BAIAP2: variants seen among roughly 807,000 people sequenced by gnomAD.
BAIAP2 encodes BAR/IMD domain-containing adapter protein 2.
Under a neutral mutation model 63.0 loss-of-function variants are expected in BAIAP2, and 18 were observed. That is an observed-to-expected ratio of 0.29 (90% CI 0.20 to 0.42). BAIAP2 has a LOEUF of 0.42. Ranked by LOEUF, BAIAP2 falls within the 10% of genes least tolerant of loss-of-function variation. The pLI is 1.00. For missense variants in BAIAP2, 610 were observed against 734.3 expected, an observed-to-expected ratio of 0.83 and a Z score of 1.96; for synonymous variants, 386 against 307.6, an observed-to-expected ratio of 1.25 and a Z score of -2.67.
At chr17:81,050,433 C>T (rs571462984) in intron 1 of BAIAP2, among the ~76,000 whole-genome samples, 4 of 152,312 alleles carry the variant, frequency 2.6e-5, no homozygotes, top group Admixed American at 6.5e-5. Context: ...GGTGCTGCCC[C>T]GTGCGTCATG....
intron 3 of BAIAP2, among the ~76,000 whole-genome samples, chr17:81,065,078 C>T (rs887829323): frequency 5.3e-5 from 8 of 152,188 alleles, no homozygotes; most frequent in African/African-American, 1.9e-4. Flanking sequence ...TGAGCCAGTG[C>T]CTGGGTTAGA....
chr17:81,089,070 C>A (rs12601557), intron 6 of BAIAP2, among the ~76,000 whole-genome samples: 27,175 of 152,308 alleles, frequency 0.18, 2,520 homozygotes, highest in Middle Eastern at 0.33. Context: ...GCTGCTCTGC[C>A]GTGGGCCCCG....
chr17:81,097,042 C>G (rs771980769), intron 6 of BAIAP2, among the ~76,000 whole-genome samples: 27 of 152,182 alleles, frequency 1.8e-4, no homozygotes, highest in Non-Finnish European at 2.9e-5. Context: ...TGGAGCAGAG[C>G]TTGCTGGAAA....
chr17:81,109,262 C>T, intron 13 of BAIAP2: 3 of 1,329,796 alleles, frequency 2.3e-6, no homozygotes, highest in Non-Finnish European at 1.9e-6. Context: ...GCAGGACCTG[C>T]TGGGCCGTGC....
intron 1 of BAIAP2, among the ~76,000 whole-genome samples, chr17:81,050,828 C>T (rs2048566233): frequency 6.6e-6 from 1 of 151,106 alleles, no homozygotes; most frequent in Non-Finnish European, 1.5e-5. Flanking sequence ...CACCAGAACA[C>T]TAGAGTCGGC....
intron 1 of BAIAP2, among the ~76,000 whole-genome samples, chr17:81,052,896 A>G (rs1315860402): frequency 1.3e-5 from 2 of 152,146 alleles, no homozygotes; most frequent in African/African-American, 4.8e-5. Context: ...ACCGGAAGAC[A>G]CGGGAGGTGG....
At chr17:81,039,327 A>G (rs2046767672) in intron 1 of BAIAP2, among the ~76,000 whole-genome samples, 3 of 152,034 alleles carry the variant, frequency 2.0e-5, no homozygotes, top group Admixed American at 2.0e-4. Flanking sequence ...AGGGTGTACA[A>G]CCCTTCTGCT....
chr17:81,084,923 G>GGA (rs2055307430), intron 4 of BAIAP2, 30 bp downstream of exon 4: 1 of 1,611,236 alleles, frequency 6.2e-7, no homozygotes, highest in Non-Finnish European at 8.5e-7. Flanking sequence ...GGCCCTGCGA[G>GGA]GAGGGGCAGG....
At chr17:81,054,788 C>T (rs954035641) in intron 2 of BAIAP2, among the ~76,000 whole-genome samples, 2 of 152,194 alleles carry the variant, frequency 1.3e-5, no homozygotes, top group East Asian at 3.9e-4. Flanking sequence ...CACCCAGGCA[C>T]TCCACTGCGG....
chr17:81,057,808 C>T, intron 2 of BAIAP2, 73 bp from the exon 3 acceptor site: 1 of 1,547,588 alleles, frequency 6.5e-7, no homozygotes, highest in Non-Finnish European at 8.8e-7. Context: ...CGTGCCAAGA[C>T]TGCCGTGTTT....
At chr17:81,082,165 G>C (rs1196915565) in intron 3 of BAIAP2, among the ~76,000 whole-genome samples, 3 of 152,090 alleles carry the variant, frequency 2.0e-5, no homozygotes, top group African/African-American at 7.2e-5. Context: ...CGGCATCCAG[G>C]GCGGCTGTGA....
intron 3 of BAIAP2, among the ~76,000 whole-genome samples, chr17:81,075,385 T>G (rs2053486949): frequency 6.6e-6 from 1 of 152,160 alleles, no homozygotes; most frequent in South Asian, 2.1e-4. Context: ...GCATCCCCGG[T>G]TTGGCCTCAA....
At chr17:81,037,046 C>T in intron 1 of BAIAP2, 1 of 1,121,218 alleles carries the variant, frequency 8.9e-7, no homozygotes, top group South Asian at 1.4e-5. Flanking sequence ...AGTAGGCCTT[C>T]ACCTAGGTGA....
chr17:81,035,522 G>A (rs1374016046), intron 1 of BAIAP2, among the ~76,000 whole-genome samples: 1 of 149,206 alleles, frequency 6.7e-6, no homozygotes, highest in Non-Finnish European at 1.5e-5. Context: ...CCCCCGCCCG[G>A]GCCCCCCCAT....
At position 81,113,499 on chromosome 17, in the gene BAIAP2, CT is replaced by C. The variant is rs2060147848; in HGVS notation, c.1536-2268del. ...CTCCCCGCCGGCCTCCTGGGCGCGT[CT>C]TTCCCAGACAGCTGGGGGGTGGGGG... On this transcript the variant is annotated intron_variant, in intron 13 of 13. Transcript: ENST00000428708. Among the ~76,000 whole-genome samples, 3 of 152,308 alleles carry C rather than the reference CT, an allele frequency of 2.0e-5. No homozygotes were observed. In the South Asian group the frequency reaches 6.2e-4, roughly 32 times the overall value.
intron 7 of BAIAP2, among the ~76,000 whole-genome samples, chr17:81,100,370 A>G (rs2058323484): frequency 6.6e-6 from 1 of 151,992 alleles, no homozygotes. Flanking sequence ...CTCTTCTGCC[A>G]CAGCCATGTC....
Position 81,116,099 on chromosome 17 carries a change from C to T in BAIAP2, c.*260C>T. ...GGCCGCCTCTTGAGGGTACACGCCT[C>T]TGGTCACATGGCCATGGAGCCTTGG... On this transcript the variant is annotated 3_prime_UTR_variant, in exon 14 of 14. Coordinates refer to ENST00000428708, the MANE Select transcript of BAIAP2 (RefSeq NM_001144888.2). The T allele has an allele frequency of 7.2e-6, 11 of 1,538,236 alleles. No individual in the cohort carries two copies. The highest frequency in any genetic ancestry group is 1.2e-5 in the South Asian group (1 of 82,136).
At position 81,036,951 on chromosome 17, in the gene BAIAP2, G is replaced by A. The variant is rs184272770; in HGVS notation, c.54+1643G>A. ...GAAAGCAGGAACTTTCGTGGTGAGA[G>A]TTGGCAGGGGGTGAGTACATGGAGT... On this transcript the variant is annotated intron_variant, in intron 1 of 13. Transcript: ENST00000428708. The A allele has an allele frequency of 1.4e-5, 21 of 1,535,900 alleles. No homozygotes were observed. The Admixed American group carries it at 4.1e-4, about 30-fold the overall frequency.
In BAIAP2 at chr17:81,061,462, C is replaced by T. The variant is rs150927033; in HGVS notation, c.217+3495C>T. Among the ~76,000 whole-genome samples, 7 of 152,288 alleles carry T rather than the reference C, an allele frequency of 4.6e-5. No individual in the cohort carries two copies. In the South Asian group the frequency reaches 6.2e-4, roughly 14 times the overall value. On this transcript the variant is annotated intron_variant, in intron 3 of 13. Coordinates refer to ENST00000428708, the MANE Select transcript of BAIAP2 (RefSeq NM_001144888.2). The stretch of plus-strand genomic sequence containing the variant: ...CCCCATCTCCAGGCAACCACTGATC[C>T]GCTTTCTGTCACTGTAATTTAGCAT...
Sources: allele counts gnomAD v4.1 joint callset (sites outside exome capture counted in the v4.1 genomes callset), GRCh38; gene constraint gnomAD v4.1.1; transcripts MANE v1.5; gene names NCBI Gene and HGNC (gene_info 2026-07-23, HGNC 2026-07-21).